The following SYT1 variants were observed in gnomAD, a reference collection of about 807,000 sequenced individuals.
SYT1 encodes synaptotagmin 1.
SYT1 carries 8 observed loss-of-function variants against 44.8 expected under a neutral mutation model. The observed-to-expected ratio is 0.18, with a 90% confidence interval of 0.10 to 0.32. The LOEUF is 0.32. Among genes scored for constraint, SYT1 ranks in the 10% least tolerant of loss-of-function variants. The pLI is 1.00. For synonymous variants in SYT1, 154 were observed against 188.8 expected (o/e 0.82, Z 1.51); for missense variants, 286 against 509.3 (o/e 0.56, Z 4.22).
intron 3 of SYT1, among the ~76,000 whole-genome samples, chr12:79,178,944 ATATAGATATAGATATAG>A (rs766517608): frequency 0.16 from 10,165 of 64,322 alleles, 3,292 homozygotes; most frequent in African/African-American, 0.23. Context: ...ATAGATATAG[ATATAGATATAGATATAG>A]ATATAGATAT....
At chr12:79,337,159 G>A (rs964490323) in intron 8 of SYT1, among the ~76,000 whole-genome samples, 4 of 152,210 alleles carry the variant, frequency 2.6e-5, no homozygotes, top group Admixed American at 1.3e-4. Flanking sequence ...AGTCAATATT[G>A]CAGTAGACAA....
At chr12:79,395,104 A>T (rs1361061988) in intron 9 of SYT1, among the ~76,000 whole-genome samples, 1 of 152,252 alleles carries the variant, frequency 6.6e-6, no homozygotes, top group Non-Finnish European at 1.5e-5. Flanking sequence ...GAAGGGAAAG[A>T]GGTAGAGAGG....
At chr12:79,314,908 T>C (rs1285908230) in intron 8 of SYT1, among the ~76,000 whole-genome samples, 1 of 152,166 alleles carries the variant, frequency 6.6e-6, no homozygotes, top group Non-Finnish European at 1.5e-5. Flanking sequence ...TCTTGATACA[T>C]GCTATAACAC....
chr12:79,125,629 GAAAAAAAGAA>G (rs1301277413), intron 3 of SYT1, among the ~76,000 whole-genome samples: 3 of 112,920 alleles, frequency 2.7e-5, no homozygotes, highest in African/African-American at 6.8e-5. Flanking sequence ...AAAAAAAAAA[GAAAAAAAGAA>G]AAAAAAAGAA....
intron 8 of SYT1, among the ~76,000 whole-genome samples, chr12:79,308,439 G>C (rs73351073): frequency 0.01 from 1,586 of 152,020 alleles, 29 homozygotes; most frequent in African/African-American, 0.036. Flanking sequence ...CCAGGAGGCG[G>C]AGCTTGCATG....
At chr12:79,389,028 A>C (rs2136088745) in intron 9 of SYT1, among the ~76,000 whole-genome samples, 1 of 152,338 alleles carries the variant, frequency 6.6e-6, no homozygotes, top group East Asian at 1.9e-4. Flanking sequence ...TGATGTTTAG[A>C]AAAATCTGCT....
intron 3 of SYT1, among the ~76,000 whole-genome samples, chr12:79,135,008 C>G (rs1416937774): frequency 6.6e-6 from 1 of 151,696 alleles, no homozygotes; most frequent in African/African-American, 2.4e-5. Flanking sequence ...CACACACACA[C>G]AAATGGTAAC....
At chr12:79,307,666 G>A (rs573745038) in intron 8 of SYT1, among the ~76,000 whole-genome samples, 10 of 152,180 alleles carry the variant, frequency 6.6e-5, no homozygotes, top group African/African-American at 2.4e-4. Flanking sequence ...GAGCCCGAAC[G>A]AAGCCTTTGC....
At chr12:78,869,290 G>A (rs2895690) in intron 1 of SYT1, among the ~76,000 whole-genome samples, 100,386 of 151,600 alleles carry the variant, frequency 0.66, 33,350 homozygotes, top group Admixed American at 0.7. Context: ...TATATGGACT[G>A]TAAGATAAAC....
intron 8 of SYT1, among the ~76,000 whole-genome samples, chr12:79,322,973 G>T (rs1025964143): frequency 1.3e-5 from 2 of 152,146 alleles, no homozygotes; most frequent in Non-Finnish European, 2.9e-5. Context: ...TTGTAGTCTT[G>T]CTTCAAGGCA....
At chr12:79,061,709 A>G (rs1875401305) in intron 3 of SYT1, among the ~76,000 whole-genome samples, 1 of 152,140 alleles carries the variant, frequency 6.6e-6, no homozygotes, top group African/African-American at 2.4e-5. Context: ...TTGCAAAGGA[A>G]AGGGCATTCC....
intron 4 of SYT1, among the ~76,000 whole-genome samples, chr12:79,265,803 A>C (rs1479812790): frequency 6.6e-6 from 1 of 152,194 alleles, no homozygotes; most frequent in Non-Finnish European, 1.5e-5. Flanking sequence ...AAAGAATTAG[A>C]CAATACTGCA....
At chr12:79,392,664 G>A (rs540482318) in intron 9 of SYT1, 5 of 151,796 alleles carry the variant, frequency 3.3e-5, no homozygotes, top group African/African-American at 1.2e-4. Context: ...AAGATTACTA[G>A]TTCAGTCAGT....
At chr12:79,150,763 T>G (rs1870221415) in intron 3 of SYT1, among the ~76,000 whole-genome samples, 1 of 152,168 alleles carries the variant, frequency 6.6e-6, no homozygotes, top group East Asian at 1.9e-4. Context: ...GAATAATTGC[T>G]TAAGATATTA....
At chr12:78,954,290 C>T (rs906906347) in intron 1 of SYT1, among the ~76,000 whole-genome samples, 1 of 152,084 alleles carries the variant, frequency 6.6e-6, no homozygotes, top group Non-Finnish European at 1.5e-5. Flanking sequence ...AAATCTGCTG[C>T]AAATTACAGC....
chr12:78,896,954 T>C (rs1234043717), intron 1 of SYT1, among the ~76,000 whole-genome samples: 1 of 151,794 alleles, frequency 6.6e-6, no homozygotes, highest in East Asian at 1.9e-4. Flanking sequence ...AATTAAATAA[T>C]TTACCTTCCT....
chr12:79,115,346 A>G (rs1381731871), intron 3 of SYT1, among the ~76,000 whole-genome samples: 1 of 152,188 alleles, frequency 6.6e-6, no homozygotes. Flanking sequence ...CATAGTGAGA[A>G]ATATTTTTCC....
chr12:78,909,336 T>C (rs1461937495), intron 1 of SYT1, among the ~76,000 whole-genome samples: 1 of 151,994 alleles, frequency 6.6e-6, no homozygotes, highest in Admixed American at 6.6e-5. Flanking sequence ...GTCTGTTTCC[T>C]TATTTTCTAG....
At chr12:79,383,195 G>A (rs897926514) in intron 9 of SYT1, among the ~76,000 whole-genome samples, 1 of 152,158 alleles carries the variant, frequency 6.6e-6, no homozygotes, top group Admixed American at 6.5e-5. Flanking sequence ...GTTGTAGCCT[G>A]CTACATACCT....
Sources: allele counts gnomAD v4.1 joint callset (sites outside exome capture counted in the v4.1 genomes callset), GRCh38; gene constraint gnomAD v4.1.1; transcripts MANE v1.5; gene names NCBI Gene and HGNC (gene_info 2026-07-23, HGNC 2026-07-21).